Variants in ORC4 observed in about 807,000 individuals in gnomAD.
The protein encoded by ORC4 is origin recognition complex, subunit 4 homolog.
ORC4 carries 55 observed loss-of-function variants against 63.9 expected under a neutral mutation model. That is an observed-to-expected ratio of 0.86 (90% confidence interval 0.69 to 1.08). The LOEUF (loss-of-function observed/expected upper bound fraction) is 1.08. Among genes scored for constraint, ORC4 ranks in the 50% least tolerant of loss-of-function variants. ORC4 has a pLI of 0.00. For missense variants in ORC4, 511 were observed against 504.4 expected (o/e 1.01, Z -0.13); for synonymous variants, 150 against 168.5 (o/e 0.89, Z 0.85).
intron 1 of ORC4, among the ~76,000 whole-genome samples, chr2:147,996,007 A>AC (rs956283122): frequency 1.3e-5 from 2 of 151,912 alleles, no homozygotes; most frequent in African/African-American, 2.4e-5. Context: ...CTCAAAAAAA[A>AC]AAAAAACAAA....
At chr2:147,951,461 TC>T (rs1688954739) in intron 8 of ORC4, 1 of 152,198 alleles carries the variant, frequency 6.6e-6, no homozygotes, top group Non-Finnish European at 1.5e-5. Flanking sequence ...GAGTTCTTGT[TC>T]TCATGGGGAT....
intron 1 of ORC4, among the ~76,000 whole-genome samples, chr2:147,998,721 A>G (rs1183411029): frequency 6.6e-6 from 1 of 152,206 alleles, no homozygotes; most frequent in African/African-American, 2.4e-5. Context: ...AGACTAAGGC[A>G]GGTCAAAATT....
In ORC4 at chr2:147,930,704, A is replaced by C. The variant is rs1224173262; in HGVS notation, c.*4806T>G. 1 of 152,470 alleles carries C rather than the reference A, an allele frequency of 6.6e-6. No homozygotes were observed. Among genetic ancestry groups the C allele is most frequent in the Non-Finnish European group, 1.5e-5 (1 of 67,992 alleles). 9.4% of individuals were successfully genotyped at this position (152,470 alleles called of 1,614,324 possible). A position where few individuals can be genotyped will look rare whatever the true frequency, so the allele number is the denominator to read the frequency against. On this transcript the variant is annotated 3_prime_UTR_variant, in exon 14 of 14. Coordinates refer to ENST00000392857, the MANE Select transcript of ORC4 (RefSeq NM_181741.4). ...TTGCTATTTTTTCTGCAAGTATTTA[A>C]CAGAAAGCTTAAAATCCCCATAAAA... is the stretch of plus-strand genomic sequence containing the variant.
At chr2:148,021,276 T>TG, upstream of ORC4, 1 of 354,036 alleles carries the variant, frequency 2.8e-6, no homozygotes, top group Admixed American at 3.6e-5. Context: ...CCCTGAGCCC[T>TG]GAGAGGGGGA....
intron 1 of ORC4, among the ~76,000 whole-genome samples, chr2:147,980,628 G>A (rs1164834990): frequency 1.3e-5 from 2 of 152,098 alleles, no homozygotes; most frequent in African/African-American, 4.8e-5. Flanking sequence ...AATTGTCAGG[G>A]ATTTTCAGGG....
At chr2:148,003,217 AT>A (rs1692423688) in intron 1 of ORC4, among the ~76,000 whole-genome samples, 1 of 152,228 alleles carries the variant, frequency 6.6e-6, no homozygotes, top group Non-Finnish European at 1.5e-5. Flanking sequence ...TTCTGAAACT[AT>A]TCCAAATAAA....
chr2:147,986,429 A>G (rs904580679), intron 1 of ORC4, among the ~76,000 whole-genome samples: 2 of 152,222 alleles, frequency 1.3e-5, no homozygotes, highest in Admixed American at 6.5e-5. Context: ...TCAAATATGA[A>G]AAGAAGAAAA....
intron 8 of ORC4, among the ~76,000 whole-genome samples, chr2:147,949,944 T>C (rs532515886): frequency 1.3e-5 from 2 of 152,142 alleles, no homozygotes; most frequent in Admixed American, 6.5e-5. Flanking sequence ...ACTCTCATAA[T>C]ACCTACGTGA....
At chr2:148,002,123 A>C (rs1023697183) in intron 1 of ORC4, among the ~76,000 whole-genome samples, 6 of 152,146 alleles carry the variant, frequency 3.9e-5, no homozygotes, top group African/African-American at 1.4e-4. Context: ...GTTCTTAGAG[A>C]CCTACAAAGA....
At chr2:148,020,083 G>C (rs892598983) in intron 1 of ORC4, among the ~76,000 whole-genome samples, 1 of 152,138 alleles carries the variant, frequency 6.6e-6, no homozygotes, top group Non-Finnish European at 1.5e-5. Context: ...CAAAGGCTTT[G>C]TGTTGTAGCA....
At chr2:147,956,128 A>G (rs1689237350) in intron 6 of ORC4, among the ~76,000 whole-genome samples, 1 of 152,084 alleles carries the variant, frequency 6.6e-6, no homozygotes, top group Non-Finnish European at 1.5e-5. Flanking sequence ...TTCAGAGTTC[A>G]TAACTAAAAG....
intron 10 of ORC4, among the ~76,000 whole-genome samples, chr2:147,941,645 G>T (rs1688369706): frequency 6.6e-6 from 1 of 151,730 alleles, no homozygotes; most frequent in Non-Finnish European, 1.5e-5. Flanking sequence ...AATCCCATAT[G>T]ACAAAAAACA....
rs1426273659 is a variant in ORC4 at position 147,933,380 on chromosome 2, C to T, written c.*2130G>A. On this transcript the variant is annotated 3_prime_UTR_variant, in exon 14 of 14. Transcript: ENST00000392857. ...GAGGGAATATGGAAAGGCCAACAAG[C>T]AGCACTGTTCCTCCCCACAAAAATG... 6.6e-6 allele frequency: 1 copy of T among 152,072 alleles called. No homozygotes were observed. The highest frequency in any genetic ancestry group is 1.5e-5 in the Non-Finnish European group (1 of 67,996). 9.4% of individuals were successfully genotyped at this position (152,072 alleles called of 1,614,324 possible). A position where few individuals can be genotyped will look rare whatever the true frequency, so the allele number is the denominator to read the frequency against.
At chr2:147,942,867 TAGAATA>T (rs1272608057) in intron 10 of ORC4, among the ~76,000 whole-genome samples, 4 of 152,212 alleles carry the variant, frequency 2.6e-5, no homozygotes, top group Non-Finnish European at 4.4e-5. Flanking sequence ...AAAAACCTCT[TAGAATA>T]AGTGAGTTCA....
In ORC4 at chr2:147,938,407, GA is replaced by G. The variant is rs760245539; in HGVS notation, c.959-15del. ...AGACTGATAGACCTACAGTAAAAGG[GA>G]AAAAAAACTATCAGTTTAATGACAT... On this transcript the variant is annotated splice_polypyrimidine_tract_variant and intron_variant, in intron 11 of 13. Coordinates refer to ENST00000392857, the MANE Select transcript of ORC4 (RefSeq NM_181741.4). 11 of 1,398,838 alleles carry G rather than the reference GA, an allele frequency of 7.9e-6. No homozygotes were observed. Among genetic ancestry groups the G allele is most frequent in the Middle Eastern group, 4.9e-4 (2 of 4,096 alleles). The allele number at this position is 1,398,838 out of a possible 1,614,324, so 86.7% of individuals were successfully genotyped here.
intron 4 of ORC4, among the ~76,000 whole-genome samples, chr2:147,961,982 A>G (rs1689621600): frequency 6.6e-6 from 1 of 152,196 alleles, no homozygotes; most frequent in Non-Finnish European, 1.5e-5. Context: ...TACTCCCAAC[A>G]AGAAAGGACC....
chr2:147,936,248 G>A (rs1688043651), intron 13 of ORC4: 2 of 155,410 alleles, frequency 1.3e-5, no homozygotes, highest in African/African-American at 4.8e-5. Flanking sequence ...ACATGGAGGA[G>A]AAGGGACAGG....
At chr2:147,943,663 T>C (rs1688498058) in intron 9 of ORC4, 141 bp from the exon 10 acceptor site, 5 of 633,960 alleles carry the variant, frequency 7.9e-6, no homozygotes, top group East Asian at 2.7e-5. Context: ...GTTGGTCTTA[T>C]TTGTAGAACA....
At chr2:147,993,160 T>C (rs1254218046) in intron 1 of ORC4, among the ~76,000 whole-genome samples, 1 of 152,140 alleles carries the variant, frequency 6.6e-6, no homozygotes, top group Non-Finnish European at 1.5e-5. Flanking sequence ...CCTATATCTT[T>C]AGGTCTTTAT....
Sources: gnomAD v4.1 joint callset for allele counts (sites outside exome capture counted in the v4.1 genomes callset) on GRCh38, gnomAD v4.1.1 for gene constraint, MANE v1.5 for transcripts, NCBI Gene and HGNC (gene_info 2026-07-23, HGNC 2026-07-21) for gene names.